The following HIVEP1 variants were observed in gnomAD, a reference collection of about 807,000 sequenced individuals.
The protein encoded by HIVEP1 is zinc finger protein 40.
A neutral mutation model predicts 180.0 loss-of-function variants in HIVEP1; 36 were observed. That is an observed-to-expected ratio of 0.20 (90% CI 0.15 to 0.26). The LOEUF (loss-of-function observed/expected upper bound fraction) is 0.26. HIVEP1 is among the 10% of genes least tolerant of loss of function. HIVEP1 has a pLI of 1.00. For missense variants in HIVEP1, 3,143 were observed against 3,268.7 expected, an observed-to-expected ratio of 0.96 and a Z score of 0.94; for synonymous variants, 1,239 against 1,239.0, an observed-to-expected ratio of 1.00 and a Z score of 0.00.
At chr6:12,206,599 G>C in the HIVEP1 span, among the ~76,000 whole-genome samples, 1 of 152,160 alleles carries the variant, frequency 6.6e-6, no homozygotes, top group Non-Finnish European at 1.5e-5. Context: ...TAGAGGAAGC[G>C]TGGCCTTCCA....
chr6:12,036,674 C>T (rs1165918647), intron 2 of HIVEP1, among the ~76,000 whole-genome samples: 1 of 152,178 alleles, frequency 6.6e-6, no homozygotes, highest in Non-Finnish European at 1.5e-5. Flanking sequence ...GAAGCTGAAG[C>T]AGGTGGATCA....
the HIVEP1 span, among the ~76,000 whole-genome samples, chr6:12,187,696 G>A: frequency 1.3e-5 from 2 of 151,282 alleles, no homozygotes; most frequent in East Asian, 3.9e-4. Context: ...GGATTCAAGT[G>A]TTTCTCATGC....
the HIVEP1 span, among the ~76,000 whole-genome samples, chr6:12,171,070 A>G: frequency 6.6e-6 from 1 of 152,250 alleles, no homozygotes; most frequent in Non-Finnish European, 1.5e-5. Flanking sequence ...TTAACAAGAA[A>G]GCAAAAGCCT....
chr6:12,175,628 G>A, the HIVEP1 span, among the ~76,000 whole-genome samples: 4 of 152,164 alleles, frequency 2.6e-5, no homozygotes, highest in African/African-American at 7.2e-5. Context: ...TAAATACTGC[G>A]CTATGTTTAA....
intron 2 of HIVEP1, among the ~76,000 whole-genome samples, chr6:12,021,857 G>C (rs953017082): frequency 2.6e-5 from 4 of 151,990 alleles, no homozygotes; most frequent in Admixed American, 1.3e-4. Context: ...TAGAGACTGG[G>C]TTTCACCATG....
At chr6:12,114,175 C>G (rs1026061065) in intron 3 of HIVEP1, among the ~76,000 whole-genome samples, 2 of 152,160 alleles carry the variant, frequency 1.3e-5, no homozygotes, top group Non-Finnish European at 2.9e-5. Flanking sequence ...CCCTGCGCGT[C>G]CTCATGCCCT....
chr6:12,148,007 C>T (rs1759473380), intron 7 of HIVEP1, among the ~76,000 whole-genome samples: 1 of 151,998 alleles, frequency 6.6e-6, no homozygotes, highest in Non-Finnish European at 1.5e-5. Flanking sequence ...AAACCTTGCC[C>T]CAATCAACTC....
At chr6:12,118,709 C>CT (rs1775372643) in intron 3 of HIVEP1, among the ~76,000 whole-genome samples, 2 of 152,170 alleles carry the variant, frequency 1.3e-5, no homozygotes, top group Non-Finnish European at 2.9e-5. Flanking sequence ...AGGCCCATTA[C>CT]AACCTTATGA....
chr6:12,205,459 A>G, the HIVEP1 span, among the ~76,000 whole-genome samples: 2 of 151,482 alleles, frequency 1.3e-5, no homozygotes, highest in African/African-American at 2.4e-5. Flanking sequence ...TGACAGAGCA[A>G]GACTCCATCT....
At chr6:12,025,485 G>A (rs924482924) in intron 2 of HIVEP1, among the ~76,000 whole-genome samples, 1 of 152,182 alleles carries the variant, frequency 6.6e-6, no homozygotes, top group African/African-American at 2.4e-5. Context: ...TAATTTTATA[G>A]TTGGAAGTAG....
At chr6:12,025,577 TAGA>T (rs2113619627) in intron 2 of HIVEP1, among the ~76,000 whole-genome samples, 1 of 152,348 alleles carries the variant, frequency 6.6e-6, no homozygotes, top group Non-Finnish European at 1.5e-5. Context: ...CCTGAAGGCT[TAGA>T]AAATATTTCT....
intron 2 of HIVEP1, among the ~76,000 whole-genome samples, chr6:12,052,924 G>T (rs1770630118): frequency 6.6e-6 from 1 of 152,192 alleles, no homozygotes; most frequent in South Asian, 2.1e-4. Flanking sequence ...ATCTTTTGGA[G>T]ACTTGTAGCA....
chr6:12,094,925 T>G (rs1272599444), intron 3 of HIVEP1, among the ~76,000 whole-genome samples: 4 of 152,052 alleles, frequency 2.6e-5, no homozygotes, highest in African/African-American at 7.2e-5. Flanking sequence ...GGTAGACTTT[T>G]AACTCCCAAG....
rs371197453 is a variant in HIVEP1 at position 12,124,388 on chromosome 6, G to T, written c.4593G>T (p.Leu1531=). Residue 1531 remains leucine (L), a synonymous_variant, in exon 4 of 9, where the codon CTG becomes CTT. Coordinates refer to ENST00000379388, the MANE Select transcript of HIVEP1 (RefSeq NM_002114.4). ...PPSHQSTQLS[L]QVSTQGSKPD... ...GCCACCAGAGCACACAGCTATCTCT[G>T]CAAGTGTCTACGCAGGGTAGCAAGC... The T allele has an allele frequency of 3.7e-6, 6 of 1,613,950 alleles. No individual in the cohort carries two copies. The African/African-American group carries it at 4.0e-5, about 11-fold the overall frequency.
chr6:12,199,691 T>C, the HIVEP1 span, among the ~76,000 whole-genome samples: 1 of 152,208 alleles, frequency 6.6e-6, no homozygotes, highest in East Asian at 1.9e-4. Flanking sequence ...TCTCTGTACC[T>C]AGTATGAGAC....
intron 2 of HIVEP1, among the ~76,000 whole-genome samples, chr6:12,088,510 C>A (rs1773249249): frequency 6.6e-6 from 1 of 152,054 alleles, no homozygotes; most frequent in Non-Finnish European, 1.5e-5. Flanking sequence ...GTGCCCAGAG[C>A]CCCAGGTCAA....
chr6:12,182,360 T>C, the HIVEP1 span, among the ~76,000 whole-genome samples: 1 of 152,172 alleles, frequency 6.6e-6, no homozygotes, highest in Non-Finnish European at 1.5e-5. Context: ...CACTCAGAAA[T>C]TGCTTCTTCC....
chr6:12,011,387 A>G (rs1767289451), upstream of HIVEP1, among the ~76,000 whole-genome samples: 1 of 149,624 alleles, frequency 6.7e-6, no homozygotes, highest in Non-Finnish European at 1.5e-5. Context: ...AGAGACGGTA[A>G]AGAGAAACTA....
the HIVEP1 span, among the ~76,000 whole-genome samples, chr6:12,179,653 G>T: frequency 6.6e-6 from 1 of 152,118 alleles, no homozygotes; most frequent in African/African-American, 2.4e-5. Flanking sequence ...TTACCATTAT[G>T]ACTACTATTG....
Sources: allele counts gnomAD v4.1 joint callset (sites outside exome capture counted in the v4.1 genomes callset), GRCh38; gene constraint gnomAD v4.1.1; transcripts MANE v1.5; gene names NCBI Gene and HGNC (gene_info 2026-07-23, HGNC 2026-07-21).